The following UPP1 variants were observed in gnomAD, a reference collection of about 807,000 sequenced individuals.
UPP1 encodes uridine phosphorylase 1.
UPP1 carries 25 observed loss-of-function variants against 29.6 expected under a neutral mutation model. The observed-to-expected ratio is 0.85, with a 90% confidence interval of 0.62 to 1.18. The LOEUF (loss-of-function observed/expected upper bound fraction) is 1.18, where lower values mean the gene tolerates loss of function less well. Among genes scored for constraint, UPP1 ranks in the 50% most tolerant of loss-of-function variants. The pLI is 0.00. For synonymous variants in UPP1, 165 were observed against 159.8 expected (o/e 1.03, Z -0.25); for missense variants, 368 against 410.4 (o/e 0.90, Z 0.89).
chr7:48,094,747 GA>G lies in UPP1; in HGVS notation c.-21-15del. On this transcript the variant is annotated splice_polypyrimidine_tract_variant and intron_variant, in intron 2 of 8. Transcript: ENST00000395564. ...ACTGAGTGGATTCACTCCATTCTGTGATTTTTTTTCCTTAGGGTCCTGCCTC... is the reference window on the plus strand; with the variant it reads ...ACTGAGTGGATTCACTCCATTCTGTGTTTTTTTTCCTTAGGGTCCTGCCTC... 1.2e-6 allele frequency: 2 copies of G among 1,611,358 alleles called. No individual in the cohort carries two copies. Among genetic ancestry groups the G allele is most frequent in the Non-Finnish European group, 1.7e-6 (2 of 1,178,218 alleles).
rs747942311 is a variant in UPP1 at position 48,106,872 on chromosome 7, G to T, written c.437-1G>T. 6.2e-7 allele frequency: 1 copy of T among 1,613,516 alleles called. No homozygotes were observed. Among genetic ancestry groups the T allele is most frequent in the South Asian group, 1.1e-5 (1 of 91,042 alleles). On this transcript the variant is annotated splice_acceptor_variant, in intron 6 of 8. Transcript: ENST00000395564. LOFTEE classifies it high-confidence loss of function. ...ATCTTGATGTCTGCTTTTTTCCTCA[G>T]GTCTGGAGCCCGGCACTGTGGTCAT... is the stretch of plus-strand genomic sequence containing the variant.
At position 48,108,509 on chromosome 7, in the gene UPP1, C is replaced by A; in HGVS notation, c.*152C>A. The A allele has an allele frequency of 3.5e-6, 3 of 856,914 alleles. 1 individual carries two copies. Among genetic ancestry groups the A allele is most frequent in the Non-Finnish European group, 1.7e-6 (1 of 603,834 alleles). 53.1% of individuals were successfully genotyped at this position (856,914 alleles called of 1,614,324 possible). The stretch of plus-strand genomic sequence containing the variant: ...GAGACAGAGAATCTTGGATTAACCG[C>A]ATGGGAGATGTTCTTCCTTTTGAAG... On this transcript the variant is annotated 3_prime_UTR_variant, in exon 9 of 9. Transcript: ENST00000395564.
intron 2 of UPP1, among the ~76,000 whole-genome samples, chr7:48,091,285 TCA>T (rs1791817910): frequency 8.2e-6 from 1 of 122,568 alleles, no homozygotes. Flanking sequence ...AAAAACATCT[TCA>T]GTTTTTTTTT....
At chr7:48,095,683 G>A (rs922321838) in intron 3 of UPP1, among the ~76,000 whole-genome samples, 3 of 151,054 alleles carry the variant, frequency 2.0e-5, no homozygotes, top group African/African-American at 7.3e-5. Context: ...TGCTCTTGTC[G>A]CCCAGGCTGG....
Position 48,101,803 on chromosome 7 carries a change from GTC to G in UPP1, c.163-15_163-14del. 1 of 1,611,208 alleles carries G rather than the reference GTC, an allele frequency of 6.2e-7. No individual in the cohort carries two copies. The highest frequency in any genetic ancestry group is 8.5e-7 in the Non-Finnish European group (1 of 1,178,806). Reference sequence around the variant, plus strand: ...TGCTATAGACAGTGCACTAATGGGGGTCTCTCTTCTCTGGCTGCAGTTTGTGT... The same window carrying G: ...TGCTATAGACAGTGCACTAATGGGGGTCTCTTCTCTGGCTGCAGTTTGTGT... On this transcript the variant is annotated intron_variant, in intron 4 of 8. Coordinates refer to ENST00000395564, the MANE Select transcript of UPP1 (RefSeq NM_003364.4).
At chr7:48,089,557 G>A (rs73337876) in intron 1 of UPP1, 139 bp downstream of exon 1, 11,410 of 153,860 alleles carry the variant, frequency 0.074, 1,396 homozygotes, top group African/African-American at 0.26. Context: ...CTGCAGAGGA[G>A]CAGAGAGCGG....
In UPP1 at chr7:48,108,200, G is replaced by A. The variant is rs369712335; in HGVS notation, c.794-18G>A. 19 of 1,606,522 alleles carry A rather than the reference G, an allele frequency of 1.2e-5. No homozygotes were observed. Among genetic ancestry groups the A allele is most frequent in the Non-Finnish European group, 1.5e-5 (18 of 1,175,652 alleles). ...GACCCCCGGCACCTTGCCTTGATGTGGTCTTTGTCCTTTGCAGCGGCCGTG... is the reference window on the plus strand; with the variant it reads ...GACCCCCGGCACCTTGCCTTGATGTAGTCTTTGTCCTTTGCAGCGGCCGTG... On this transcript the variant is annotated intron_variant, in intron 8 of 8. Transcript: ENST00000395564.
intron 6 of UPP1, chr7:48,106,226 G>A (rs1299347601): frequency 1.3e-5 from 2 of 155,482 alleles, no homozygotes; most frequent in Non-Finnish European, 2.9e-5. Context: ...ATGGTTCAGT[G>A]ACAGACAACA....
chr7:48,102,881 A>C (rs1349629016), intron 5 of UPP1, among the ~76,000 whole-genome samples: 1 of 152,212 alleles, frequency 6.6e-6, no homozygotes, highest in East Asian at 1.9e-4. Context: ...CCAGCTGATT[A>C]CTTAGTTTGT....
At chr7:48,105,093 T>C (rs1164825456) in intron 6 of UPP1, 1 of 152,234 alleles carries the variant, frequency 6.6e-6, no homozygotes, top group East Asian at 1.9e-4. Flanking sequence ...AGGGGGAAGC[T>C]CAAGGCGATG....
At chr7:48,108,145 G>T in intron 8 of UPP1, 73 bp from the exon 9 acceptor site, 1 of 1,564,274 alleles carries the variant, frequency 6.4e-7, no homozygotes, top group Non-Finnish European at 8.7e-7. Context: ...AGAGCTCGTG[G>T]GTTCTTCATC....
rs765894463 is a variant in UPP1, at chr7:48,106,995, G to T, written c.559G>T (p.Val187Leu). 1.2e-6 allele frequency: 2 copies of T among 1,612,978 alleles called. No individual in the cohort carries two copies. Among genetic ancestry groups the T allele is most frequent in the African/African-American group, 2.7e-5 (2 of 74,906 alleles). Reference protein sequence around the residue: ...IRKTDLNKKLVQELLLCSAEL... With the variant: ...IRKTDLNKKLLQELLLCSAEL... The stretch of plus-strand genomic sequence containing the variant: ...GAAAACGGACCTTAACAAGAAGCTG[G>T]TGCAGGAGCTGTTGCTGTGTTCTGC... The change falls in exon 7 of 9, where the codon GTG (valine) becomes TTG (leucine). Residue 187 changes from valine (V) to leucine (L), a missense_variant. Val to Leu is a conservative substitution (Grantham distance 32). Transcript: ENST00000395564.
At chr7:48,101,631 C>G (rs1006011323) in intron 4 of UPP1, among the ~76,000 whole-genome samples, 193 bp from the exon 5 acceptor site, 2 of 152,306 alleles carry the variant, frequency 1.3e-5, no homozygotes, top group African/African-American at 4.8e-5. Context: ...GCCGCCCACC[C>G]TGACCACTCA....
upstream of UPP1, chr7:48,089,251 C>G (rs1183812945): frequency 6.6e-6 from 1 of 152,340 alleles, no homozygotes; most frequent in Non-Finnish European, 1.5e-5. Context: ...ATTCACCTCG[C>G]AGGTGGTTCC....
chr7:48,098,134 C>T (rs527953131), intron 3 of UPP1, among the ~76,000 whole-genome samples: 1 of 152,304 alleles, frequency 6.6e-6, no homozygotes, highest in African/African-American at 2.4e-5. Context: ...CCCCCTGTCC[C>T]CTTATACAAA....
chr7:48,104,044 C>A (rs1250518575), intron 6 of UPP1: 7 of 489,316 alleles, frequency 1.4e-5, no homozygotes. Flanking sequence ...ATGGTGAAAC[C>A]CCGTCTCTAC....
chr7:48,098,148 C>T (rs955744135), intron 3 of UPP1, among the ~76,000 whole-genome samples: 1 of 152,324 alleles, frequency 6.6e-6, no homozygotes, highest in South Asian at 2.1e-4. Context: ...ATACAAAGAT[C>T]TCCCTGTCTC....
At chr7:48,096,780 A>G (rs1792152285) in intron 3 of UPP1, among the ~76,000 whole-genome samples, 2 of 151,902 alleles carry the variant, frequency 1.3e-5, no homozygotes, top group South Asian at 2.1e-4. Context: ...GCTCACTGCA[A>G]CCTCTGCCTC....
intron 2 of UPP1, among the ~76,000 whole-genome samples, chr7:48,093,710 G>A (rs539472732): frequency 7.9e-5 from 12 of 152,196 alleles, no homozygotes; most frequent in Non-Finnish European, 1.6e-4. Flanking sequence ...ATGGGACTTT[G>A]CAGTGGAGAC....
Sources: gnomAD v4.1 joint callset for allele counts (sites outside exome capture counted in the v4.1 genomes callset) on GRCh38, gnomAD v4.1.1 for gene constraint, MANE v1.5 for transcripts, NCBI Gene and HGNC (gene_info 2026-07-23, HGNC 2026-07-21) for gene names.